NRG2: variants seen among roughly 807,000 people sequenced by gnomAD.
NRG2 encodes pro-neuregulin-2, membrane-bound isoform.
A neutral mutation model predicts 73.9 loss-of-function variants in NRG2; 27 were observed. That is an observed-to-expected ratio of 0.37 (90% confidence interval 0.27 to 0.50). The LOEUF is 0.50. Ranked by LOEUF, NRG2 falls within the 20% of genes least tolerant of loss-of-function variation. The pLI, the probability that NRG2 is intolerant of heterozygous loss-of-function variation, is 0.96. For synonymous variants in NRG2, 532 were observed against 541.0 expected (o/e 0.98, Z 0.23); for missense variants, 1,126 against 1,210.1 (o/e 0.93, Z 1.03).
Position 139,848,256 on chromosome 5 carries a change from C to A in NRG2, c.2214G>T (p.Ala738=). 2 of 1,118,394 alleles carry A rather than the reference C, an allele frequency of 1.8e-6. No homozygotes were observed. Among genetic ancestry groups the A allele is most frequent in the African/African-American group, 1.7e-5 (1 of 60,046 alleles). The allele number at this position is 1,118,394 out of a possible 1,614,324, so 69.3% of individuals were successfully genotyped here. A position where few individuals can be genotyped will look rare whatever the true frequency, so the allele number is the denominator to read the frequency against. Residue 738 remains alanine, a synonymous_variant, in exon 10 of 10, where the codon GCG becomes GCT. Transcript: ENST00000361474. ...RARGASRRTS[A]GPRRWRRSRL... Reference sequence around the variant, plus strand: ...GCGAGCGGCGCCAGCGCCGGGGCCCCGCCGACGTCCTGCGGGACGCACCGC... The same window carrying A: ...GCGAGCGGCGCCAGCGCCGGGGCCCAGCCGACGTCCTGCGGGACGCACCGC...
chr5:140,010,478 G>A (rs1021765882), intron 1 of NRG2, among the ~76,000 whole-genome samples: 2 of 152,050 alleles, frequency 1.3e-5, no homozygotes, highest in Admixed American at 1.3e-4. Flanking sequence ...ATCAATTGTA[G>A]GCTTATCAAT....
At chr5:139,901,109 C>T (rs1319199816) in intron 1 of NRG2, among the ~76,000 whole-genome samples, 1 of 152,230 alleles carries the variant, frequency 6.6e-6, no homozygotes, top group Admixed American at 6.5e-5. Context: ...CCGATTCCCC[C>T]AACCCAGATG....
chr5:139,951,392 C>G (rs1271479921), intron 1 of NRG2, among the ~76,000 whole-genome samples: 3 of 152,152 alleles, frequency 2.0e-5, no homozygotes, highest in Admixed American at 6.5e-5. Flanking sequence ...CTGGTGCTGT[C>G]ATGGGGACAT....
intron 1 of NRG2, among the ~76,000 whole-genome samples, chr5:139,942,003 C>T (rs1185623964): frequency 2.0e-5 from 3 of 152,040 alleles, no homozygotes; most frequent in Admixed American, 2.0e-4. Context: ...TAAGAAATAC[C>T]AAATCCGTAG....
At chr5:139,925,267 C>T (rs1751966580) in intron 1 of NRG2, among the ~76,000 whole-genome samples, 3 of 152,216 alleles carry the variant, frequency 2.0e-5, no homozygotes, top group African/African-American at 7.2e-5. Flanking sequence ...CTGCACTGTA[C>T]AGCCATCTGC....
rs570796234 is a variant in NRG2, at chr5:139,904,575, C to G, written c.701-17064G>C. ...CTCCCGCGCCCTCCACCCTCGCCCC[C>G]CCTCCACCGGCTCGGGCCGCGGGGG... On this transcript the variant is annotated intron_variant, in intron 1 of 9. Coordinates refer to ENST00000361474, the MANE Select transcript of NRG2 (RefSeq NM_004883.3). The surrounding 1 kb of genome is among the most constrained non-coding windows in gnomAD (Gnocchi z 6.0). Among the ~76,000 whole-genome samples, 32 of 152,242 alleles carry G rather than the reference C, an allele frequency of 2.1e-4. No individual in the cohort carries two copies. Among genetic ancestry groups the G allele is most frequent in the Non-Finnish European group, 2.8e-4 (19 of 67,978 alleles).
chr5:140,018,536 T>C (rs1240423130), intron 1 of NRG2, among the ~76,000 whole-genome samples: 6 of 152,132 alleles, frequency 3.9e-5, no homozygotes, highest in African/African-American at 1.4e-4. Context: ...ACTGATAGCT[T>C]CCAAAGCCTG....
At chr5:139,907,008 T>C (rs1329058373) in intron 1 of NRG2, among the ~76,000 whole-genome samples, 1 of 152,174 alleles carries the variant, frequency 6.6e-6, no homozygotes, top group Admixed American at 6.5e-5. Flanking sequence ...TGTGTGCATG[T>C]GCACATGTGT....
At chr5:139,987,598 C>T (rs1028598229) in intron 1 of NRG2, among the ~76,000 whole-genome samples, 25 of 152,122 alleles carry the variant, frequency 1.6e-4, no homozygotes, top group African/African-American at 5.8e-4. Flanking sequence ...GCCAATGAGA[C>T]TGTCCCTGAA....
intron 1 of NRG2, among the ~76,000 whole-genome samples, chr5:139,992,159 A>G (rs1377932375): frequency 6.6e-6 from 1 of 152,212 alleles, no homozygotes; most frequent in Non-Finnish European, 1.5e-5. Context: ...CTCCCTTAAT[A>G]TCTCTTAATG....
intron 5 of NRG2, among the ~76,000 whole-genome samples, chr5:139,857,994 C>T (rs923454060): frequency 2.0e-5 from 3 of 152,214 alleles, no homozygotes; most frequent in Non-Finnish European, 4.4e-5. Flanking sequence ...TGCTTCCACT[C>T]CTCCCCACCC....
At chr5:139,873,854 G>A (rs905114214) in intron 3 of NRG2, among the ~76,000 whole-genome samples, 2 of 152,232 alleles carry the variant, frequency 1.3e-5, no homozygotes, top group Non-Finnish European at 2.9e-5. Context: ...TGTGCTCATC[G>A]AGGCTTTGGG....
chr5:139,887,601 G>T lies in NRG2; in HGVS notation c.701-90C>A. On this transcript the variant is annotated intron_variant, in intron 1 of 9. Transcript: ENST00000361474. The surrounding 1 kb of genome is among the most constrained non-coding windows in gnomAD (Gnocchi z 4.5). ...GGAGAGTAAGGGCCACTGTCTTTGG[G>T]CTGGAACTGGGGAAGGGAAGGGTGA... is the stretch of plus-strand genomic sequence containing the variant. 8.2e-7 allele frequency: 1 copy of T among 1,223,650 alleles called. No individual in the cohort carries two copies. Among genetic ancestry groups the T allele is most frequent in the Non-Finnish European group, 1.2e-6 (1 of 858,120 alleles). The allele number at this position is 1,223,650 out of a possible 1,614,324, so 75.8% of individuals were successfully genotyped here.
intron 1 of NRG2, among the ~76,000 whole-genome samples, chr5:139,935,860 G>A (rs1412675336): frequency 3.3e-5 from 5 of 151,638 alleles, no homozygotes; most frequent in South Asian, 4.2e-4. Flanking sequence ...TCTGGAGGCC[G>A]AGGCACAAGA....
At chr5:139,925,753 C>T (rs1388981101) in intron 1 of NRG2, among the ~76,000 whole-genome samples, 1 of 152,210 alleles carries the variant, frequency 6.6e-6, no homozygotes, top group African/African-American at 2.4e-5. Flanking sequence ...GCCTGCAGCG[C>T]AGGCTCCTGA....
chr5:140,041,101 A>G (rs1224873410), intron 1 of NRG2, among the ~76,000 whole-genome samples: 1 of 152,212 alleles, frequency 6.6e-6, no homozygotes, highest in Non-Finnish European at 1.5e-5. Context: ...TGAAGGCAGC[A>G]AAACTTACTA....
At chr5:139,956,977 A>G (rs1754671877) in intron 1 of NRG2, among the ~76,000 whole-genome samples, 1 of 152,174 alleles carries the variant, frequency 6.6e-6, no homozygotes, top group African/African-American at 2.4e-5. Context: ...CCCTGAGGCA[A>G]TCAGGGCAGG....
At chr5:139,959,034 G>A (rs558926090) in intron 1 of NRG2, among the ~76,000 whole-genome samples, 1 of 152,184 alleles carries the variant, frequency 6.6e-6, no homozygotes, top group Admixed American at 6.5e-5. Context: ...ATGCTGCAGG[G>A]CAGACTGGGG....
chr5:139,993,862 G>A (rs1757829674), intron 1 of NRG2, among the ~76,000 whole-genome samples: 1 of 152,172 alleles, frequency 6.6e-6, no homozygotes, highest in Non-Finnish European at 1.5e-5. Flanking sequence ...GTGTGTGTCT[G>A]AATCCATATA....
Sources: gnomAD v4.1 joint callset for allele counts (sites outside exome capture counted in the v4.1 genomes callset) on GRCh38, gnomAD v4.1.1 for gene constraint, Gnocchi (gnomAD v3.1) non-coding constraint, MANE v1.5 for transcripts, NCBI Gene and HGNC (gene_info 2026-07-23, HGNC 2026-07-21) for gene names.